The following LMO2 variants were observed in gnomAD, a reference collection of about 807,000 sequenced individuals.
The protein encoded by LMO2 is LIM domain only 2, also known as rhombotin-2.
Under a neutral mutation model 23.2 loss-of-function variants are expected in LMO2, and 20 were observed. The ratio of observed to expected loss-of-function variants is 0.86; its 90% CI spans 0.61 to 1.25. LMO2 has a LOEUF of 1.25. LMO2 is among the 50% of genes most tolerant of loss of function. The pLI is 0.00. For synonymous variants in LMO2, 123 were observed against 130.2 expected (o/e 0.94, Z 0.38); for missense variants, 270 against 315.3 (o/e 0.86, Z 1.09).
At position 33,886,305 on chromosome 11, in the gene LMO2, C is replaced by T. The variant is rs189467130; in HGVS notation, c.-335-4418G>A. ...AAGGGGTGCTGGAGGACACCACATG[C>T]GCTGGGCTGACAATTGGGCATCATT... On this transcript the variant is annotated intron_variant, in intron 1 of 5. Transcript: ENST00000257818. Among the ~76,000 whole-genome samples the T allele has an allele frequency of 9.9e-5, 15 of 152,284 alleles. No homozygotes were observed. The South Asian group carries it at 1.2e-3, about 13-fold the overall frequency.
Position 33,858,938 on chromosome 11 carries a change from G to T in LMO2, c.*418C>A. The T allele has an allele frequency of 4.0e-6, 1 of 252,812 alleles. No individual in the cohort carries two copies. Among genetic ancestry groups the T allele is most frequent in the Non-Finnish European group, 7.8e-6 (1 of 128,320 alleles). 15.7% of individuals were successfully genotyped at this position (252,812 alleles called of 1,614,324 possible). ...GTGGAGGACAGTGATTGAAACAGGGGAGTTAAAAAGCCAGGAAGAAAAGAA... is the reference window on the plus strand; with the variant it reads ...GTGGAGGACAGTGATTGAAACAGGGTAGTTAAAAAGCCAGGAAGAAAAGAA... On this transcript the variant is annotated 3_prime_UTR_variant, in exon 6 of 6. Transcript: ENST00000257818.
At chr11:33,862,479 C>T (rs181349602) in intron 5 of LMO2, among the ~76,000 whole-genome samples, 1 of 152,136 alleles carries the variant, frequency 6.6e-6, no homozygotes, top group Admixed American at 6.5e-5. Context: ...GGGTTCCCAA[C>T]AATACAACAC....
At chr11:33,884,395 G>A (rs1857357188) in intron 1 of LMO2, among the ~76,000 whole-genome samples, 1 of 152,108 alleles carries the variant, frequency 6.6e-6, no homozygotes, top group South Asian at 2.1e-4. Context: ...AGGTGAGTGG[G>A]GCTGAGTGGG....
intron 1 of LMO2, among the ~76,000 whole-genome samples, chr11:33,883,931 T>TG (rs1857344156): frequency 6.6e-6 from 1 of 152,126 alleles, no homozygotes; most frequent in South Asian, 2.1e-4. Flanking sequence ...GGTCTGGGTA[T>TG]GGGGTCAGTT....
Position 33,864,748 on chromosome 11 carries a change from A to G in LMO2, c.318T>C (p.Ile106=), listed in dbSNP as rs2038602. 0.41 allele frequency: 667,563 copies of G among 1,613,586 alleles called. 140,981 individuals are homozygous for G. The highest frequency in any genetic ancestry group is 0.55 in the African/African-American group (41,560 of 74,946). ...LLTCGGCQQN[I]GDRYFLKAID... is the part of the protein sequence containing the mutation. ...TGGCCTTCAGGAAGTAGCGGTCCCCAATGTTCTGCTGGCAGCCGCCGCATG... is the reference window on the plus strand; with the variant it reads ...TGGCCTTCAGGAAGTAGCGGTCCCCGATGTTCTGCTGGCAGCCGCCGCATG... Residue 106 remains isoleucine, a synonymous_variant, in exon 5 of 6, where the codon ATT becomes ATC. Transcript: ENST00000257818. The surrounding 1 kb of genome is among the most constrained non-coding windows in gnomAD (Gnocchi z 4.8).
At position 33,870,445 on chromosome 11, in the gene LMO2, G is replaced by GCGGGCTGCGGGCTA. The variant is rs1250754116; in HGVS notation, c.-271-472_-271-459dup. On this transcript the variant is annotated intron_variant, in intron 2 of 5. Coordinates refer to ENST00000257818, the MANE Select transcript of LMO2 (RefSeq NM_005574.4). ...GGGATGCCCCGGACAGCGCGGCTCT[G>GCGGGCTGCGGGCTA]CGGGCTGCGGGCTACGGGCTGCGGG... 3.5e-4 allele frequency: 343 copies of GCGGGCTGCGGGCTA among 986,476 alleles called. 3 individuals are homozygous for GCGGGCTGCGGGCTA. In the African/African-American group the frequency reaches 5.8e-3, roughly 17 times the overall value. The allele number at this position is 986,476 out of a possible 1,614,324, so 61.1% of individuals were successfully genotyped here. A position where few individuals can be genotyped will look rare whatever the true frequency, so the allele number is the denominator to read the frequency against.
Position 33,859,418 on chromosome 11 carries a change from T to G in LMO2, c.622A>C (p.Asn208His). ...FCVGDRYLLINSDIVCEQDIY... is the reference protein window; with the variant it reads ...FCVGDRYLLIHSDIVCEQDIY... The stretch of plus-strand genomic sequence containing the variant: ...TCCTGTTCGCACACTATGTCAGAGT[T>G]GATGAGGAGGTATCTGTCACCTACA... Residue 208 changes from asparagine to histidine, a missense_variant, in exon 6 of 6, where the codon AAC becomes CAC. Around this residue, in one of 2 missense-constraint regions of LMO2, gnomAD observed 100 missense variants for 153.3 expected, o/e 0.65. Coordinates refer to ENST00000257818, the MANE Select transcript of LMO2 (RefSeq NM_005574.4). 1 of 1,614,128 alleles carries G rather than the reference T, an allele frequency of 6.2e-7. No individual in the cohort carries two copies. The highest frequency in any genetic ancestry group is 8.5e-7 in the Non-Finnish European group (1 of 1,180,024).
In LMO2 at chr11:33,880,706, C is replaced by T. The variant is rs529107115; in HGVS notation, c.-272+1118G>A. ...TAACCCCCACACGCCCCAAACAAAT[C>T]TGACAAAAGTTAAAGACCATTCCCT... On this transcript the variant is annotated intron_variant, in intron 2 of 5. Coordinates refer to ENST00000257818, the MANE Select transcript of LMO2 (RefSeq NM_005574.4). The surrounding 1 kb of genome is among the most constrained non-coding windows in gnomAD (Gnocchi z 4.3). The T allele has an allele frequency of 6.2e-6, 1 of 161,328 alleles. No individual in the cohort carries two copies. The highest frequency in any genetic ancestry group is 1.7e-4 in the South Asian group (1 of 5,868). The allele number at this position is 161,328 out of a possible 1,614,324, so 10.0% of individuals were successfully genotyped here. A position where few individuals can be genotyped will look rare whatever the true frequency, so the allele number is the denominator to read the frequency against.
At chr11:33,870,262 C>T in intron 2 of LMO2, 1 of 741,008 alleles carries the variant, frequency 1.3e-6, no homozygotes, top group Non-Finnish European at 1.7e-6. Flanking sequence ...CCGCCTTTCC[C>T]TTTTGGTTTA....
At chr11:33,865,061 G>A in intron 4 of LMO2, 1 of 560,756 alleles carries the variant, frequency 1.8e-6, no homozygotes, top group South Asian at 2.0e-5. Context: ...GCACCAAGAG[G>A]CATCAAAGGC....
At chr11:33,865,624 G>A (rs1856754223) in intron 4 of LMO2, among the ~76,000 whole-genome samples, 1 of 152,166 alleles carries the variant, frequency 6.6e-6, no homozygotes, top group Non-Finnish European at 1.5e-5. Context: ...GTTGATTTGA[G>A]GAAGAAAATG....
intron 4 of LMO2, among the ~76,000 whole-genome samples, chr11:33,866,362 C>T (rs1252478643): frequency 6.6e-6 from 1 of 152,152 alleles, no homozygotes; most frequent in Non-Finnish European, 1.5e-5. Flanking sequence ...TGGCCAGGTA[C>T]AGTGGCTCAC....
chr11:33,891,446 T>G (rs1857550480), intron 1 of LMO2, among the ~76,000 whole-genome samples: 2 of 151,892 alleles, frequency 1.3e-5, no homozygotes, highest in South Asian at 4.1e-4. Flanking sequence ...GCCTCTCTTT[T>G]GGATCAGAAT....
chr11:33,862,919 G>C (rs1856636215), intron 5 of LMO2, among the ~76,000 whole-genome samples: 1 of 151,932 alleles, frequency 6.6e-6, no homozygotes, highest in Admixed American at 6.6e-5. Context: ...CAAGACACAA[G>C]TTAATTAACA....
intron 4 of LMO2, among the ~76,000 whole-genome samples, chr11:33,865,362 G>C (rs1435403564): frequency 6.6e-6 from 1 of 152,228 alleles, no homozygotes; most frequent in Non-Finnish European, 1.5e-5. Context: ...GCAGAGGTGA[G>C]GAAGAAAGAA....
intron 4 of LMO2, among the ~76,000 whole-genome samples, chr11:33,865,503 T>C (rs1856749435): frequency 6.6e-6 from 1 of 152,266 alleles, no homozygotes; most frequent in Non-Finnish European, 1.5e-5. Context: ...ACTGAAGGAA[T>C]ACTTGGAGGA....
intron 5 of LMO2, among the ~76,000 whole-genome samples, chr11:33,860,670 T>C (rs995006069): frequency 4.6e-5 from 7 of 152,120 alleles, no homozygotes; most frequent in African/African-American, 1.7e-4. Flanking sequence ...CTTGGGAGGC[T>C]GAGGTGGGAG....
At chr11:33,891,346 A>AACAC (rs57617009) in intron 1 of LMO2, among the ~76,000 whole-genome samples, 9,261 of 124,850 alleles carry the variant, frequency 0.074, 385 homozygotes, top group Admixed American at 0.17. Context: ...TTGTTAGGCA[A>AACAC]ACACACACAC....
intron 5 of LMO2, among the ~76,000 whole-genome samples, chr11:33,863,205 T>C (rs1008157718): frequency 6.9e-6 from 1 of 145,078 alleles, no homozygotes; most frequent in Non-Finnish European, 1.5e-5. Flanking sequence ...GGTCTGTATT[T>C]ATCCAAGTTC....
Sources: gnomAD v4.1 joint callset for allele counts (sites outside exome capture counted in the v4.1 genomes callset) on GRCh38, gnomAD v4.1.1 for gene constraint, gnomAD v4.1.1 regional missense constraint, Gnocchi (gnomAD v3.1) non-coding constraint, MANE v1.5 for transcripts, NCBI Gene and HGNC (gene_info 2026-07-23, HGNC 2026-07-21) for gene names.